Variants in SFMBT2 observed in about 807,000 individuals in gnomAD.
SFMBT2 encodes the protein scm-like with four MBT domains protein 2.
A neutral mutation model predicts 110.1 loss-of-function variants in SFMBT2; 38 were observed. The ratio of observed to expected loss-of-function variants is 0.35; its 90% CI spans 0.27 to 0.45. SFMBT2 has a LOEUF of 0.45. SFMBT2 is among the 20% of genes least tolerant of loss of function. The probability of loss-of-function intolerance (pLI) is 1.00; values close to 1 mark genes in which losing one functional copy is unlikely to be tolerated. For missense variants in SFMBT2, 1,011 were observed against 1,094.9 expected, an observed-to-expected ratio of 0.92 and a Z score of 1.08; for synonymous variants, 425 against 425.4, an observed-to-expected ratio of 1.00 and a Z score of 0.01.
intron 4 of SFMBT2, among the ~76,000 whole-genome samples, chr10:7,313,338 T>C (rs1227918882): frequency 1.3e-5 from 2 of 152,168 alleles, no homozygotes; most frequent in Non-Finnish European, 2.9e-5. Flanking sequence ...TTATGTGACA[T>C]ATCCATACTG....
chr10:7,181,585 A>G (rs1838247611), intron 16 of SFMBT2, among the ~76,000 whole-genome samples: 1 of 152,254 alleles, frequency 6.6e-6, no homozygotes, highest in African/African-American at 2.4e-5. Flanking sequence ...ATAATGACTC[A>G]AACTATACCA....
At chr10:7,364,835 G>T (rs1844841959) in intron 4 of SFMBT2, among the ~76,000 whole-genome samples, 1 of 152,352 alleles carries the variant, frequency 6.6e-6, no homozygotes, top group South Asian at 2.1e-4. Flanking sequence ...GGGCACAAAT[G>T]TGTGGCACCT....
At chr10:7,401,199 G>A (rs937142606) in intron 1 of SFMBT2, among the ~76,000 whole-genome samples, 1 of 152,190 alleles carries the variant, frequency 6.6e-6, no homozygotes, top group African/African-American at 2.4e-5. Flanking sequence ...TCTCAAGCAC[G>A]CACCTTTTTA....
rs370027580 is a variant in SFMBT2 at position 7,349,755 on chromosome 10, G to A, written c.436+17894C>T. Among the ~76,000 whole-genome samples the A allele has an allele frequency of 5.3e-5, 8 of 151,800 alleles. No homozygotes were observed. The East Asian group carries it at 1.2e-3, about 22-fold the overall frequency. Reference sequence around the variant, plus strand: ...ATTACAGGTGTGAGCCACCGTGCCCGGCCCTCAATCCCTGACTCTTTTATC... The same window carrying A: ...ATTACAGGTGTGAGCCACCGTGCCCAGCCCTCAATCCCTGACTCTTTTATC... On this transcript the variant is annotated intron_variant, in intron 4 of 20. Transcript: ENST00000397167.
chr10:7,165,969 A>C (rs1425469725), intron 20 of SFMBT2, among the ~76,000 whole-genome samples: 1 of 152,244 alleles, frequency 6.6e-6, no homozygotes, highest in Admixed American at 6.5e-5. Context: ...CCAAATCCAC[A>C]TGTAATACAT....
At chr10:7,227,992 G>C in intron 9 of SFMBT2, 55 bp from the exon 10 acceptor site, 1 of 1,362,490 alleles carries the variant, frequency 7.3e-7, no homozygotes, top group Non-Finnish European at 1.0e-6. Context: ...ATCCCAGACA[G>C]ATGAGCAAAA....
intron 10 of SFMBT2, among the ~76,000 whole-genome samples, chr10:7,221,982 A>C (rs568554889): frequency 6.6e-6 from 1 of 152,284 alleles, no homozygotes; most frequent in African/African-American, 2.4e-5. Context: ...CTGTTCTTAT[A>C]ATTTCCTTTA....
intron 7 of SFMBT2, among the ~76,000 whole-genome samples, chr10:7,260,809 G>A (rs1035964100): frequency 1.3e-5 from 2 of 152,076 alleles, no homozygotes; most frequent in Non-Finnish European, 2.9e-5. Context: ...AAAAGCAACT[G>A]AGTAATAAGG....
intron 4 of SFMBT2, among the ~76,000 whole-genome samples, chr10:7,322,630 CAT>C (rs1329115165): frequency 4.7e-5 from 7 of 147,804 alleles, no homozygotes; most frequent in South Asian, 4.3e-4. Context: ...CACACACACA[CAT>C]ACACAGCACA....
chr10:7,312,228 T>TA (rs1026220149), intron 4 of SFMBT2, among the ~76,000 whole-genome samples: 12 of 150,402 alleles, frequency 8.0e-5, no homozygotes, highest in Admixed American at 2.0e-4. Flanking sequence ...AAGTATAATT[T>TA]AAAAAAAAAA....
At chr10:7,271,652 G>A (rs901476222) in intron 7 of SFMBT2, among the ~76,000 whole-genome samples, 4 of 152,120 alleles carry the variant, frequency 2.6e-5, no homozygotes, top group African/African-American at 9.7e-5. Context: ...AACAAAATAG[G>A]TATGCATTAG....
chr10:7,283,475 T>C (rs1007199777), intron 6 of SFMBT2, among the ~76,000 whole-genome samples: 1 of 152,120 alleles, frequency 6.6e-6, no homozygotes, highest in Non-Finnish European at 1.5e-5. Flanking sequence ...GATGGATGAA[T>C]AGATAAATGG....
At position 7,163,304 on chromosome 10, in the gene SFMBT2, A is replaced by G. The variant is rs3002158; in HGVS notation, c.*466T>C. On this transcript the variant is annotated 3_prime_UTR_variant, in exon 21 of 21. Coordinates refer to ENST00000397167, the MANE Select transcript of SFMBT2 (RefSeq NM_001387889.1). The surrounding 1 kb of genome is among the most constrained non-coding windows in gnomAD (Gnocchi z 4.8). Reference sequence around the variant, plus strand: ...GAGTTGCCACCAAGATGAAACCGCAAGTGCCACTCAACCAGGGTCACACGC... The same window carrying G: ...GAGTTGCCACCAAGATGAAACCGCAGGTGCCACTCAACCAGGGTCACACGC... 1 allele frequency: 155,411 copies of G among 155,506 alleles called. 77,658 individuals are homozygous for G. Among genetic ancestry groups the G allele is most frequent in the Middle Eastern group, 1 (300 of 300 alleles). 9.6% of individuals were successfully genotyped at this position (155,506 alleles called of 1,614,324 possible).
chr10:7,247,895 G>A (rs1158604026), intron 8 of SFMBT2, among the ~76,000 whole-genome samples: 1 of 152,128 alleles, frequency 6.6e-6, no homozygotes, highest in Non-Finnish European at 1.5e-5. Context: ...TTTATTGTTT[G>A]TAGAGACAGG....
chr10:7,214,487 T>A, intron 11 of SFMBT2: 1 of 878,730 alleles, frequency 1.1e-6, no homozygotes, highest in Non-Finnish European at 1.4e-6. Context: ...TTTCTTAAGA[T>A]GGGCAAAGGA....
chr10:7,200,087 T>A (rs1052937178), intron 14 of SFMBT2, among the ~76,000 whole-genome samples: 9 of 152,188 alleles, frequency 5.9e-5, no homozygotes, highest in African/African-American at 2.2e-4. Flanking sequence ...AATTGCCTAA[T>A]GAGATGATAT....
At chr10:7,164,409 C>T in intron 20 of SFMBT2, 1 of 984,814 alleles carries the variant, frequency 1.0e-6, no homozygotes, top group Non-Finnish European at 1.2e-6. Context: ...AACAACAATA[C>T]AAATACAAGA....
At chr10:7,335,359 A>G (rs928299315) in intron 4 of SFMBT2, among the ~76,000 whole-genome samples, 24 of 152,126 alleles carry the variant, frequency 1.6e-4, no homozygotes, top group African/African-American at 5.1e-4. Context: ...TTACAATCCA[A>G]CTATATCACA....
chr10:7,304,642 T>C (rs1158765052), intron 4 of SFMBT2, among the ~76,000 whole-genome samples: 1 of 152,162 alleles, frequency 6.6e-6, no homozygotes, highest in Non-Finnish European at 1.5e-5. Context: ...TTTACAGATA[T>C]GAAATATACT....
Sources: allele counts gnomAD v4.1 joint callset (sites outside exome capture counted in the v4.1 genomes callset), GRCh38; gene constraint gnomAD v4.1.1; non-coding constraint Gnocchi (gnomAD v3.1); transcripts MANE v1.5; gene names NCBI Gene and HGNC (gene_info 2026-07-23, HGNC 2026-07-21).